The following CDHR1 variants were observed in gnomAD, a reference collection of about 807,000 sequenced individuals.
CDHR1 encodes cadherin related family member 1.
A neutral mutation model predicts 72.1 loss-of-function variants in CDHR1; 61 were observed. The ratio of observed to expected loss-of-function variants is 0.85; its 90% CI spans 0.69 to 1.05. CDHR1 has a LOEUF of 1.05. Ranked by LOEUF, CDHR1 falls within the 50% of genes least tolerant of loss-of-function variation. CDHR1 has a pLI of 0.00. For missense variants in CDHR1, 1,186 were observed against 1,115.7 expected (o/e 1.06, Z -0.90); for synonymous variants, 470 against 448.1 (o/e 1.05, Z -0.62).
chr10:84,207,691 T>G (rs1375273037), intron 10 of CDHR1, among the ~76,000 whole-genome samples: 1 of 152,206 alleles, frequency 6.6e-6, no homozygotes, highest in Non-Finnish European at 1.5e-5. Flanking sequence ...TCTCATAGTT[T>G]CTGTGGTTCA....
At chr10:84,196,429 T>C in intron 2 of CDHR1, 76 bp from the exon 3 acceptor site, 1 of 1,500,620 alleles carries the variant, frequency 6.7e-7, no homozygotes, top group East Asian at 2.3e-5. Context: ...AGCTGAATCG[T>C]TGGTCCTGAG....
Position 84,201,891 on chromosome 10 carries a change from C to T in CDHR1, c.610C>T (p.Arg204Trp), listed in dbSNP as rs781263335. Residue 204 changes from arginine (R) to tryptophan (W), a missense_variant, in exon 7 of 17, where the codon CGG (arginine) becomes TGG (tryptophan). Arg to Trp is a moderately radical substitution (Grantham distance 101). Coordinates refer to ENST00000623527, the MANE Select transcript of CDHR1 (RefSeq NM_033100.4). The stretch of plus-strand genomic sequence containing the variant: ...GGCCACTCTGGACTACGAGAGGTCC[C>T]GGACCCACTACATCACCGTGGTCGC... ...AGATLDYERS[R>W]THYITVVAKD... The T allele has an allele frequency of 1.6e-5, 26 of 1,607,400 alleles. No individual in the cohort carries two copies. The highest frequency in any genetic ancestry group is 6.7e-5 in the East Asian group (3 of 44,894).
chr10:84,203,500 T>TCACTGA (rs1842169387), intron 8 of CDHR1, among the ~76,000 whole-genome samples: 2 of 152,160 alleles, frequency 1.3e-5, no homozygotes, highest in Non-Finnish European at 2.9e-5. Flanking sequence ...CTGCAACCTC[T>TCACTGA]ACCTCCTGGG....
rs1188316448 is a variant in CDHR1 at position 84,199,055 on chromosome 10, G to C, written c.372G>C (p.Leu124=). The part of the protein sequence containing the change: ...LNLVAEKVVI[L]VTDANDEAPR... ...AGGTGGCCGAAAAAGTCGTGATCCT[G>C]GTGACCGATGCCAATGATGAGGCGC... Residue 124 remains leucine, a synonymous_variant, in exon 5 of 17, where the codon CTG becomes CTC. Coordinates refer to ENST00000623527, the MANE Select transcript of CDHR1 (RefSeq NM_033100.4). 1 of 1,551,730 alleles carries C rather than the reference G, an allele frequency of 6.4e-7. No homozygotes were observed.
rs955920045 is a variant in CDHR1 at position 84,201,789 on chromosome 10, G to T, written c.526-18G>T. ...CCTGCATTCTTGCTGAGGTCCAGCT[G>T]CCCCCTAATTCTTATAGAACCTGCA... is the stretch of plus-strand genomic sequence containing the variant. On this transcript the variant is annotated intron_variant, in intron 6 of 16. Coordinates refer to ENST00000623527, the MANE Select transcript of CDHR1 (RefSeq NM_033100.4). The T allele has an allele frequency of 5.6e-6, 9 of 1,600,458 alleles. No individual in the cohort carries two copies. The African/African-American group carries it at 1.1e-4, about 19-fold the overall frequency.
chr10:84,214,159 C>T lies in CDHR1; in HGVS notation c.2118C>T (p.Ala706=), dbSNP rs144898105. 32 of 1,614,030 alleles carry T rather than the reference C, an allele frequency of 2.0e-5. No individual in the cohort carries two copies. In the African/African-American group the frequency reaches 3.7e-4, roughly 19 times the overall value. The change falls in exon 17 of 17, where the codon GCC becomes GCT. Residue 706 remains alanine, a synonymous_variant. Coordinates refer to ENST00000623527, the MANE Select transcript of CDHR1 (RefSeq NM_033100.4). ...DNPMKAVGVL[A]GTMATVVAIT... ...CCATGAAGGCCGTGGGTGTGCTGGC[C>T]GGCACCATGGCCACCGTCGTGGCCA...
chr10:84,206,331 T>A (rs987975892), intron 10 of CDHR1, among the ~76,000 whole-genome samples: 10 of 30,446 alleles, frequency 3.3e-4, no homozygotes, highest in East Asian at 1.0e-3. Context: ...GGAGGAAACG[T>A]TGGACTCCCA....
chr10:84,205,995 C>T (rs1223436148), intron 10 of CDHR1, 68 bp downstream of exon 10: 5 of 1,213,564 alleles, frequency 4.1e-6, no homozygotes, highest in Middle Eastern at 1.9e-4. Context: ...GGTGAAGACA[C>T]CCAGGCCCTT....
chr10:84,218,113 G>A lies in CDHR1; in HGVS notation c.*3492G>A. 1.0e-6 allele frequency: 1 copy of A among 985,470 alleles called. No individual in the cohort carries two copies. The highest frequency in any genetic ancestry group is 1.2e-6 in the Non-Finnish European group (1 of 829,954). 61.0% of individuals were successfully genotyped at this position (985,470 alleles called of 1,614,324 possible). A position where few individuals can be genotyped will look rare whatever the true frequency, so the allele number is the denominator to read the frequency against. On this transcript the variant is annotated 3_prime_UTR_variant, in exon 17 of 17. Coordinates refer to ENST00000623527, the MANE Select transcript of CDHR1 (RefSeq NM_033100.4). ...GTGGCACATCCTGACAGTCTTCAAGGCCTTGGCCACCAAGGGATGGAGAGG... is the reference window on the plus strand; with the variant it reads ...GTGGCACATCCTGACAGTCTTCAAGACCTTGGCCACCAAGGGATGGAGAGG...
At chr10:84,210,795 A>G (rs957520356) in intron 12 of CDHR1, among the ~76,000 whole-genome samples, 1 of 152,192 alleles carries the variant, frequency 6.6e-6, no homozygotes, top group African/African-American at 2.4e-5. Context: ...ATGATAAGAA[A>G]GCTAGCATTA....
At position 84,217,568 on chromosome 10, in the gene CDHR1, A is replaced by C. The variant is rs1004862923; in HGVS notation, c.*2947A>C. ...GCAAAGTATGGTTGCAGAGAGGATG[A>C]AAAGATCTAATATATGTAAAGTGCC... On this transcript the variant is annotated 3_prime_UTR_variant, in exon 17 of 17. Transcript: ENST00000623527. 1.0e-6 allele frequency: 1 copy of C among 984,620 alleles called. No homozygotes were observed. Among genetic ancestry groups the C allele is most frequent in the Non-Finnish European group, 1.2e-6 (1 of 829,306 alleles). 61.0% of individuals were successfully genotyped at this position (984,620 alleles called of 1,614,324 possible).
intron 4 of CDHR1, 102 bp from the exon 5 acceptor site, chr10:84,198,930 G>A (rs1300394702): frequency 1.2e-6 from 1 of 832,570 alleles, no homozygotes; most frequent in Non-Finnish European, 2.0e-6. Context: ...GAGAGAGGAG[G>A]GATGGGCAGA....
At chr10:84,205,128 C>G (rs970403097) in intron 9 of CDHR1, among the ~76,000 whole-genome samples, 1 of 152,178 alleles carries the variant, frequency 6.6e-6, no homozygotes, top group South Asian at 2.1e-4. Context: ...ACAGTCTGTG[C>G]TCTTCCCACA....
At position 84,218,024 on chromosome 10, in the gene CDHR1, G is replaced by A; in HGVS notation, c.*3403G>A. The A allele has an allele frequency of 1.0e-6, 1 of 985,444 alleles. No homozygotes were observed. The highest frequency in any genetic ancestry group is 1.2e-6 in the Non-Finnish European group (1 of 829,914). 61.0% of individuals were successfully genotyped at this position (985,444 alleles called of 1,614,324 possible). A position where few individuals can be genotyped will look rare whatever the true frequency, so the allele number is the denominator to read the frequency against. On this transcript the variant is annotated 3_prime_UTR_variant, in exon 17 of 17. Transcript: ENST00000623527. ...TTCGGTGATTCTATTTTTAGGGACT[G>A]AAGGCGTTGAGGGAATCCAAGGCCA...
At chr10:84,203,320 G>A (rs1842165612) in intron 8 of CDHR1, among the ~76,000 whole-genome samples, 197 bp downstream of exon 8, 1 of 152,190 alleles carries the variant, frequency 6.6e-6, no homozygotes, top group African/African-American at 2.4e-5. Context: ...AGCTCCCCAT[G>A]GGCAGAGACC....
Position 84,212,247 on chromosome 10 carries a change from C to A in CDHR1, c.1622C>A (p.Thr541Asn). 1 of 1,614,260 alleles carries A rather than the reference C, an allele frequency of 6.2e-7. No homozygotes were observed. ...QPWASLDAEA[T>N]ARYNFYVKAE... ...TGGGCTAGCCTGGACGCTGAGGCCA[C>A]TGCCAGGTACAACTTCTATGTGAAG... is the stretch of plus-strand genomic sequence containing the variant. The change falls in exon 15 of 17, where the codon ACT becomes AAT. Residue 541 changes from threonine to asparagine, a missense_variant. Thr to Asn is a moderately conservative substitution (Grantham distance 65). Transcript: ENST00000623527.
downstream of CDHR1, among the ~76,000 whole-genome samples, chr10:84,218,877 G>T (rs1486230000): frequency 6.6e-6 from 1 of 152,124 alleles, no homozygotes; most frequent in Non-Finnish European, 1.5e-5. Context: ...ACAAACTGAT[G>T]TAGATGCCTG....
At position 84,201,799 on chromosome 10, in the gene CDHR1, T is replaced by C. The variant is rs780642266; in HGVS notation, c.526-8T>C. The C allele has an allele frequency of 4.5e-5, 72 of 1,608,622 alleles. No homozygotes were observed. Among genetic ancestry groups the C allele is most frequent in the Non-Finnish European group, 5.8e-5 (68 of 1,179,240 alleles). On this transcript the variant is annotated splice_polypyrimidine_tract_variant and splice_region_variant and intron_variant, in intron 6 of 16. Coordinates refer to ENST00000623527, the MANE Select transcript of CDHR1 (RefSeq NM_033100.4). Reference sequence around the variant, plus strand: ...TGCTGAGGTCCAGCTGCCCCCTAATTCTTATAGAACCTGCACTCCCCATTT... The same window carrying C: ...TGCTGAGGTCCAGCTGCCCCCTAATCCTTATAGAACCTGCACTCCCCATTT...
At chr10:84,200,491 C>A in intron 5 of CDHR1, 110 bp from the exon 6 acceptor site, 1 of 760,086 alleles carries the variant, frequency 1.3e-6, no homozygotes, top group Non-Finnish European at 2.4e-6. Flanking sequence ...TTGTTCACCT[C>A]TTTTTGACAC....
Sources: gnomAD v4.1 joint callset for allele counts (sites outside exome capture counted in the v4.1 genomes callset) on GRCh38, gnomAD v4.1.1 for gene constraint, MANE v1.5 for transcripts, NCBI Gene and HGNC (gene_info 2026-07-23, HGNC 2026-07-21) for gene names.